Variants in GSK3B observed in about 807,000 individuals in gnomAD.
The protein encoded by GSK3B is glycogen synthase kinase 3 beta.
GSK3B carries 15 observed loss-of-function variants against 56.4 expected under a neutral mutation model. The observed-to-expected ratio is 0.27, with a 90% CI of 0.18 to 0.41. The LOEUF is 0.41. Among genes scored for constraint, GSK3B ranks in the 10% least tolerant of loss-of-function variants. GSK3B has a pLI of 1.00. For missense variants in GSK3B, 300 were observed against 513.4 expected (o/e 0.58, Z 4.02); for synonymous variants, 181 against 188.9 (o/e 0.96, Z 0.34).
In GSK3B at chr3:119,912,785, G is replaced by A. The variant is rs759068324; in HGVS notation, c.634C>T (p.Pro212Ser). 2 of 1,592,848 alleles carry A rather than the reference G, an allele frequency of 1.3e-6. No homozygotes were observed. Among genetic ancestry groups the A allele is most frequent in the East Asian group, 4.5e-5 (2 of 44,728 alleles). The change falls in exon 6 of 11, where the codon CCC becomes TCC. Residue 212 changes from proline (P) to serine (S), a missense_variant. By Grantham distance (74) the Pro-to-Ser change is moderately conservative (BLOSUM62 -1). Transcript: ENST00000264235. ...CGAGAACAGATATACGAAACATTGG[G>A]TTCTCCTCGGACCAGCTGCTTTGCA... is the stretch of plus-strand genomic sequence containing the variant. ...GSAKQLVRGE[P>S]NVSYICSRYY...
At chr3:120,091,824 G>GA (rs373339796) in intron 1 of GSK3B, among the ~76,000 whole-genome samples, 45 of 143,918 alleles carry the variant, frequency 3.1e-4, no homozygotes, top group South Asian at 4.4e-4. Context: ...CAAGCCACAA[G>GA]AAAAAAAAAA....
In GSK3B at chr3:119,927,431, G is replaced by A. The variant is rs180749005; in HGVS notation, c.367-3948C>T. On this transcript the variant is annotated intron_variant, in intron 3 of 10. Coordinates refer to ENST00000264235, the MANE Select transcript of GSK3B (RefSeq NM_001146156.2). ...CAATAGGGACTTTTTTTAAAGCAGC[G>A]GGAAGGCAGGGTAGGTATACCGGCT... Among the ~76,000 whole-genome samples, 156 of 152,106 alleles carry A rather than the reference G, an allele frequency of 1.0e-3. 2 individuals carry two copies. The highest frequency in any genetic ancestry group is 0.01 in the Middle Eastern group (3 of 294).
intron 8 of GSK3B, among the ~76,000 whole-genome samples, chr3:119,866,872 A>G (rs1029702334): frequency 6.6e-6 from 1 of 152,216 alleles, no homozygotes; most frequent in Admixed American, 6.5e-5. Flanking sequence ...GGTGAGGCAC[A>G]GTAAAGAAAC....
chr3:119,833,462 G>A (rs1366139776), intron 10 of GSK3B, among the ~76,000 whole-genome samples: 2 of 152,052 alleles, frequency 1.3e-5, no homozygotes, highest in African/African-American at 4.8e-5. Flanking sequence ...CTCTAATATA[G>A]TAGCTGCTAA....
intron 1 of GSK3B, among the ~76,000 whole-genome samples, chr3:120,003,596 A>G (rs1258646208): frequency 6.6e-6 from 1 of 152,196 alleles, no homozygotes; most frequent in Non-Finnish European, 1.5e-5. Flanking sequence ...TATAATATTT[A>G]TGAGTATTTT....
intron 1 of GSK3B, among the ~76,000 whole-genome samples, chr3:120,079,305 T>TAC (rs61338597): frequency 0.028 from 3,623 of 128,394 alleles, 100 homozygotes; most frequent in East Asian, 0.13. Flanking sequence ...GACAGGAAAT[T>TAC]ACACACACAC....
chr3:119,950,206 G>A (rs2057143734), intron 2 of GSK3B, among the ~76,000 whole-genome samples: 1 of 152,208 alleles, frequency 6.6e-6, no homozygotes, highest in South Asian at 2.1e-4. Flanking sequence ...GCTACTGAAA[G>A]ATGCATTAAG....
intron 9 of GSK3B, among the ~76,000 whole-genome samples, chr3:119,861,526 AAAACAAAC>A (rs201757793): frequency 2.6e-5 from 4 of 151,256 alleles, no homozygotes; most frequent in Admixed American, 6.6e-5. Flanking sequence ...AAAAAAAAAC[AAAACAAAC>A]AAACAAACAA....
At chr3:119,887,136 T>C (rs2056445631) in intron 7 of GSK3B, among the ~76,000 whole-genome samples, 1 of 152,184 alleles carries the variant, frequency 6.6e-6, no homozygotes, top group Non-Finnish European at 1.5e-5. Flanking sequence ...AAACTTATTT[T>C]AAAATGCTTT....
intron 7 of GSK3B, among the ~76,000 whole-genome samples, chr3:119,894,005 C>T (rs1315149647): frequency 1.3e-5 from 2 of 152,018 alleles, no homozygotes; most frequent in Non-Finnish European, 2.9e-5. Flanking sequence ...TGTTCATTAC[C>T]TCAAAATGAA....
Position 119,950,270 on chromosome 3 carries a change from T to A in GSK3B, c.283-2919A>T, listed in dbSNP as rs1323728607. On this transcript the variant is annotated intron_variant, in intron 2 of 10. Coordinates refer to ENST00000264235, the MANE Select transcript of GSK3B (RefSeq NM_001146156.2). Reference sequence around the variant, plus strand: ...ATCTATGTTTACTCTTCTGTTCCTATTGCGTTACTTTAGAAATATCTACAT... The same window carrying A: ...ATCTATGTTTACTCTTCTGTTCCTAATGCGTTACTTTAGAAATATCTACAT... 5.3e-5 allele frequency among the ~76,000 whole-genome samples: 8 copies of A among 152,204 alleles called. No individual in the cohort carries two copies. In the East Asian group the frequency reaches 1.5e-3, roughly 29 times the overall value.
chr3:119,838,300 G>T (rs968776781), intron 10 of GSK3B, among the ~76,000 whole-genome samples: 1 of 151,834 alleles, frequency 6.6e-6, no homozygotes, highest in South Asian at 2.1e-4. Flanking sequence ...AAGAAACAAA[G>T]AAATTATACT....
At chr3:119,998,087 A>G (rs941703071) in intron 2 of GSK3B, among the ~76,000 whole-genome samples, 2 of 152,238 alleles carry the variant, frequency 1.3e-5, no homozygotes, top group East Asian at 1.9e-4. Flanking sequence ...TATCACAAGC[A>G]AAGTCAACAC....
At chr3:119,984,740 A>C (rs1431561754) in intron 2 of GSK3B, among the ~76,000 whole-genome samples, 1 of 152,182 alleles carries the variant, frequency 6.6e-6, no homozygotes, top group Non-Finnish European at 1.5e-5. Context: ...ACCAACCAAA[A>C]AAAGTCCAGG....
At chr3:119,961,075 A>G (rs2057267024) in intron 2 of GSK3B, among the ~76,000 whole-genome samples, 1 of 152,204 alleles carries the variant, frequency 6.6e-6, no homozygotes. Context: ...AAAACAAGTT[A>G]TTCCCAAGTC....
intron 2 of GSK3B, among the ~76,000 whole-genome samples, chr3:119,982,398 G>A (rs764966180): frequency 1.1e-4 from 16 of 152,048 alleles, no homozygotes; most frequent in Admixed American, 3.3e-4. Context: ...TCATAAGGTC[G>A]GTAATAACAG....
chr3:120,056,142 T>A (rs994716305), intron 1 of GSK3B, among the ~76,000 whole-genome samples: 2 of 152,072 alleles, frequency 1.3e-5, no homozygotes, highest in East Asian at 3.9e-4. Flanking sequence ...AAATGAAAAA[T>A]TTCTTGGTAA....
chr3:119,926,251 T>C (rs2056887533), intron 3 of GSK3B, among the ~76,000 whole-genome samples: 1 of 152,172 alleles, frequency 6.6e-6, no homozygotes, highest in Non-Finnish European at 1.5e-5. Flanking sequence ...TATATCCAAC[T>C]GTGTATCTGG....
intron 1 of GSK3B, among the ~76,000 whole-genome samples, chr3:120,012,222 C>T (rs1489717495): frequency 3.3e-5 from 5 of 152,180 alleles, no homozygotes; most frequent in Non-Finnish European, 5.9e-5. Context: ...ATCCAAACAA[C>T]TTAATATTTG....
Sources: allele counts gnomAD v4.1 joint callset (sites outside exome capture counted in the v4.1 genomes callset), GRCh38; gene constraint gnomAD v4.1.1; transcripts MANE v1.5; gene names NCBI Gene and HGNC (gene_info 2026-07-23, HGNC 2026-07-21).